Variants in ARHGAP10 observed in about 807,000 individuals in gnomAD.
The protein encoded by ARHGAP10 is rho GTPase-activating protein 10.
A neutral mutation model predicts 108.6 loss-of-function variants in ARHGAP10; 87 were observed. The observed-to-expected ratio is 0.80, with a 90% confidence interval of 0.67 to 0.96. The LOEUF (loss-of-function observed/expected upper bound fraction) is 0.96, where lower values mean the gene tolerates loss of function less well. ARHGAP10 is among the 40% of genes least tolerant of loss of function. The pLI, the probability that ARHGAP10 is intolerant of heterozygous loss-of-function variation, is 0.00. For missense variants in ARHGAP10, 939 were observed against 954.5 expected, an observed-to-expected ratio of 0.98 and a Z score of 0.21; for synonymous variants, 347 against 341.1, an observed-to-expected ratio of 1.02 and a Z score of -0.19.
At chr4:148,071,888 C>A in intron 22 of ARHGAP10, 105 bp from the exon 23 acceptor site, 1 of 877,050 alleles carries the variant, frequency 1.1e-6, no homozygotes, top group Non-Finnish European at 1.8e-6. Flanking sequence ...CCAGAAGTGG[C>A]CCCTGTTCTC....
intron 1 of ARHGAP10, among the ~76,000 whole-genome samples, chr4:147,798,928 T>C (rs779054983): frequency 5.3e-5 from 8 of 151,616 alleles, no homozygotes; most frequent in Admixed American, 4.6e-4. Context: ...ATGTATCATT[T>C]CTCACAGCCT....
chr4:147,822,867 A>C, intron 2 of ARHGAP10, 29 bp from the exon 3 acceptor site: 1 of 1,613,882 alleles, frequency 6.2e-7, no homozygotes, highest in South Asian at 1.1e-5. Context: ...TGCCATGGCC[A>C]CCAAATAATC....
intron 5 of ARHGAP10, chr4:147,861,120 C>T (rs966023718): frequency 6.6e-6 from 1 of 152,330 alleles, no homozygotes; most frequent in Non-Finnish European, 1.5e-5. Context: ...GATCTCATGC[C>T]TGCCAAGGGC....
chr4:147,819,887 C>T (rs1579081186), intron 1 of ARHGAP10, among the ~76,000 whole-genome samples: 1 of 152,122 alleles, frequency 6.6e-6, no homozygotes, highest in African/African-American at 2.4e-5. Context: ...GGTTTGGCTG[C>T]TGTTTCAGGG....
At position 147,906,658 on chromosome 4, in the gene ARHGAP10, T is replaced by C. The variant is rs766526062; in HGVS notation, c.1055T>C (p.Met352Thr). 46 of 1,614,048 alleles carry C rather than the reference T, an allele frequency of 2.8e-5. No homozygotes were observed. Among genetic ancestry groups the C allele is most frequent in the South Asian group, 6.6e-5 (6 of 91,082 alleles). ...AADRPGVSLT[M>T]QAFSEEERKQ... ...TTCAGGCCTGGCGTTTCCTTGACCA[T>C]GCAGGCATTTTCCGAAGAGGAAAGG... The change falls in exon 11 of 23, where the codon ATG (methionine) becomes ACG (threonine). Residue 352 changes from methionine to threonine, a missense_variant. Coordinates refer to ENST00000336498, the MANE Select transcript of ARHGAP10 (RefSeq NM_024605.4).
At chr4:147,845,603 G>T (rs550099108) in intron 3 of ARHGAP10, among the ~76,000 whole-genome samples, 2 of 152,306 alleles carry the variant, frequency 1.3e-5, no homozygotes, top group East Asian at 3.9e-4. Flanking sequence ...AACTTGAGCA[G>T]TTGTTAGCTT....
At chr4:147,967,119 G>T (rs1013603743) in intron 18 of ARHGAP10, among the ~76,000 whole-genome samples, 2 of 152,188 alleles carry the variant, frequency 1.3e-5, no homozygotes, top group Admixed American at 6.5e-5. Flanking sequence ...AACTATTTAG[G>T]ACTTTTGTTG....
At chr4:147,926,237 G>T (rs949570858) in intron 13 of ARHGAP10, among the ~76,000 whole-genome samples, 28 of 152,168 alleles carry the variant, frequency 1.8e-4, no homozygotes, top group African/African-American at 6.8e-4. Context: ...CTTTGACAGA[G>T]AATAGAATTG....
intron 1 of ARHGAP10, among the ~76,000 whole-genome samples, chr4:147,736,506 A>G (rs950696947): frequency 7.2e-5 from 11 of 152,174 alleles, no homozygotes; most frequent in African/African-American, 2.7e-4. Context: ...GGACTGATAC[A>G]GAAAGCCTTG....
At chr4:147,821,073 T>TTCAAGG (rs1732477617) in intron 1 of ARHGAP10, among the ~76,000 whole-genome samples, 1 of 152,124 alleles carries the variant, frequency 6.6e-6, no homozygotes, top group Non-Finnish European at 1.5e-5. Flanking sequence ...GCTGGCTGGC[T>TTCAAGG]GGTGGGCTGC....
chr4:147,876,823 C>A (rs114870609), intron 8 of ARHGAP10, among the ~76,000 whole-genome samples: 3,469 of 152,246 alleles, frequency 0.023, 62 homozygotes, highest in Middle Eastern at 0.045. Flanking sequence ...CAACTTGTCT[C>A]ATTTATCCAT....
chr4:148,066,213 G>T (rs1054978596), intron 22 of ARHGAP10, among the ~76,000 whole-genome samples: 1 of 152,132 alleles, frequency 6.6e-6, no homozygotes, highest in African/African-American at 2.4e-5. Context: ...GCGGAAGGAG[G>T]TGTCTCATCC....
At position 147,881,929 on chromosome 4, in the gene ARHGAP10, A is replaced by T; in HGVS notation, c.1031A>T (p.Asp344Val). ...RRFCFDIEAA[D>V]RPGVSLTMQA... ...TTTTGTTTTGACATAGAAGCTGCTG[A>T]TCGGTAAGTTATTGGAATTATTGGA... The change falls in exon 10 of 23, where the codon GAT (aspartate) becomes GTT (valine). Residue 344 changes from aspartate to valine, a missense_variant. Transcript: ENST00000336498. 1 of 1,613,806 alleles carries T rather than the reference A, an allele frequency of 6.2e-7. No individual in the cohort carries two copies. The highest frequency in any genetic ancestry group is 1.1e-5 in the South Asian group (1 of 91,034).
intron 18 of ARHGAP10, among the ~76,000 whole-genome samples, chr4:148,012,971 G>C (rs1741222156): frequency 6.9e-6 from 1 of 145,300 alleles, no homozygotes; most frequent in African/African-American, 2.6e-5. Flanking sequence ...TTTTGTGTTT[G>C]CCAACATTTC....
At chr4:147,876,112 T>C (rs1437025047) in intron 8 of ARHGAP10, among the ~76,000 whole-genome samples, 1 of 152,362 alleles carries the variant, frequency 6.6e-6, no homozygotes, top group African/African-American at 2.4e-5. Context: ...GTGCTTTGAA[T>C]AGAAGTTAAT....
At chr4:147,900,499 A>G (rs1202141340) in intron 10 of ARHGAP10, among the ~76,000 whole-genome samples, 1 of 152,096 alleles carries the variant, frequency 6.6e-6, no homozygotes, top group Non-Finnish European at 1.5e-5. Flanking sequence ...TTGCCTGTGT[A>G]TTCACCAGGA....
chr4:147,965,480 CT>C (rs1560849372), intron 17 of ARHGAP10, among the ~76,000 whole-genome samples: 1 of 152,146 alleles, frequency 6.6e-6, no homozygotes, highest in Non-Finnish European at 1.5e-5. Context: ...TTTAAGTTGG[CT>C]TAATTCAATA....
chr4:147,863,254 C>T (rs1411528898), intron 5 of ARHGAP10: 1 of 152,240 alleles, frequency 6.6e-6, no homozygotes, highest in Non-Finnish European at 1.5e-5. Flanking sequence ...ACTCTCCATT[C>T]TCCCCTGCTC....
In ARHGAP10 at chr4:147,784,743, AAAT is replaced by A. The variant is rs1730771758; in HGVS notation, c.155-37982_155-37980del. On this transcript the variant is annotated intron_variant, in intron 1 of 22. Coordinates refer to ENST00000336498, the MANE Select transcript of ARHGAP10 (RefSeq NM_024605.4). ...TAATATATTATAAAATATATATTAT[AAAT>A]ATATATTATAAAATGTATATTATAA... 1.2e-4 allele frequency among the ~76,000 whole-genome samples: 2 copies of A among 16,584 alleles called. 1 individual carries two copies. The highest frequency in any genetic ancestry group is 4.1e-4 in the Non-Finnish European group (2 of 4,916). 10.9% of individuals were successfully genotyped at this position (16,584 alleles called of 152,430 possible).
Sources: gnomAD v4.1 joint callset for allele counts (sites outside exome capture counted in the v4.1 genomes callset) on GRCh38, gnomAD v4.1.1 for gene constraint, MANE v1.5 for transcripts, NCBI Gene and HGNC (gene_info 2026-07-23, HGNC 2026-07-21) for gene names.